Variants in ARHGAP22 observed in about 807,000 individuals in gnomAD.
ARHGAP22 encodes Rho GTPase activating protein 22.
Under a neutral mutation model 59.1 loss-of-function variants are expected in ARHGAP22, and 48 were observed. The observed-to-expected ratio is 0.81, with a 90% confidence interval of 0.64 to 1.03. The LOEUF (loss-of-function observed/expected upper bound fraction) is 1.03. Among genes scored for constraint, ARHGAP22 ranks in the 50% least tolerant of loss-of-function variants. The pLI, the probability that ARHGAP22 is intolerant of heterozygous loss-of-function variation, is 0.00. For missense variants in ARHGAP22, 1,015 were observed against 958.7 expected (o/e 1.06, Z -0.78); for synonymous variants, 445 against 416.4 (o/e 1.07, Z -0.84).
intron 3 of ARHGAP22, chr10:48,493,613 G>C (rs1298188671): frequency 8.2e-6 from 12 of 1,462,842 alleles, no homozygotes; most frequent in Non-Finnish European, 8.1e-6. Context: ...TCGGCTGCCT[G>C]TGTGCTCTGC....
intron 3 of ARHGAP22, among the ~76,000 whole-genome samples, chr10:48,513,631 C>A (rs1020821904): frequency 6.6e-6 from 1 of 152,170 alleles, no homozygotes; most frequent in Admixed American, 6.5e-5. Context: ...TCAGGAAATT[C>A]ACTAAACAAA....
chr10:48,642,993 T>A (rs1455540497), intron 1 of ARHGAP22, among the ~76,000 whole-genome samples: 1 of 152,144 alleles, frequency 6.6e-6, no homozygotes, highest in Admixed American at 6.5e-5. Flanking sequence ...AAAAAATGCT[T>A]ATCATCACTG....
At chr10:48,490,175 A>G (rs1288064145) in intron 3 of ARHGAP22, among the ~76,000 whole-genome samples, 1 of 152,186 alleles carries the variant, frequency 6.6e-6, no homozygotes, top group Non-Finnish European at 1.5e-5. Flanking sequence ...GACCCACCTC[A>G]TCAGGAGAAT....
At chr10:48,493,609 G>T (rs10735226) in intron 3 of ARHGAP22, 581,179 of 1,465,158 alleles carry the variant, frequency 0.4, 123,519 homozygotes, top group East Asian at 0.92. Flanking sequence ...CCACTCGGCT[G>T]CCTGTGTGCT....
At chr10:48,486,672 C>A (rs924655681) in intron 3 of ARHGAP22, among the ~76,000 whole-genome samples, 2 of 152,122 alleles carry the variant, frequency 1.3e-5, no homozygotes, top group African/African-American at 4.8e-5. Flanking sequence ...TATATTTACC[C>A]ATGTAGTTAC....
intron 4 of ARHGAP22, among the ~76,000 whole-genome samples, chr10:48,477,632 C>T (rs1371879158): frequency 6.6e-6 from 1 of 152,234 alleles, no homozygotes; most frequent in Non-Finnish European, 1.5e-5. Context: ...ATCCTCATCA[C>T]GACTTGAAAC....
intron 9 of ARHGAP22, among the ~76,000 whole-genome samples, chr10:48,447,484 G>A (rs568128383): frequency 6.6e-6 from 1 of 152,312 alleles, no homozygotes; most frequent in African/African-American, 2.4e-5. Flanking sequence ...CACCTGGTAC[G>A]TGGTGCATGA....
chr10:48,453,609 C>T (rs2046204535), intron 7 of ARHGAP22, among the ~76,000 whole-genome samples, 184 bp from the exon 8 acceptor site: 1 of 152,214 alleles, frequency 6.6e-6, no homozygotes, highest in Non-Finnish European at 1.5e-5. Context: ...CCAAGAGGGC[C>T]ATCAGAAGTA....
chr10:48,613,562 A>G (rs1403111152), intron 1 of ARHGAP22, among the ~76,000 whole-genome samples: 1 of 152,106 alleles, frequency 6.6e-6, no homozygotes, highest in African/African-American at 2.4e-5. Context: ...GGTATATGAC[A>G]GAAGTACATC....
At chr10:48,576,902 T>TCCCCCCCCCCCCCCCCCCCCCCC (rs1554927401) in intron 2 of ARHGAP22, among the ~76,000 whole-genome samples, 1 of 141,354 alleles carries the variant, frequency 7.1e-6, no homozygotes, top group African/African-American at 2.6e-5. Context: ...CACTCACCCA[T>TCCCCCCCCCCCCCCCCCCCCCCC]CCCTCCCCAC....
chr10:48,620,349 T>A (rs570710248), intron 1 of ARHGAP22, among the ~76,000 whole-genome samples: 1 of 152,262 alleles, frequency 6.6e-6, no homozygotes, highest in South Asian at 2.1e-4. Context: ...GCATACATTA[T>A]CTTATCCATT....
chr10:48,513,471 C>G (rs1157089749), intron 3 of ARHGAP22, among the ~76,000 whole-genome samples: 1 of 152,228 alleles, frequency 6.6e-6, no homozygotes, highest in Non-Finnish European at 1.5e-5. Flanking sequence ...CGCCAACACA[C>G]AAACATACAT....
rs557234753 is a variant in ARHGAP22, at chr10:48,549,699, T to C, written c.322+5764A>G. Among the ~76,000 whole-genome samples the C allele has an allele frequency of 3.9e-5, 6 of 152,296 alleles. No individual in the cohort carries two copies. The South Asian group carries it at 1.2e-3, about 32-fold the overall frequency. On this transcript the variant is annotated intron_variant, in intron 3 of 9. Transcript: ENST00000249601. ...GGTCCTCCTCCTCTTGGAATAATAA[T>C]TATTAGAATTAAAACATTGGTTATA...
intron 3 of ARHGAP22, among the ~76,000 whole-genome samples, chr10:48,486,497 G>A (rs562444427): frequency 3.3e-5 from 5 of 151,918 alleles, no homozygotes; most frequent in South Asian, 2.1e-4. Flanking sequence ...CGCACACCAC[G>A]CCAGGTTAAT....
intron 1 of ARHGAP22, among the ~76,000 whole-genome samples, chr10:48,623,114 C>G (rs1486567483): frequency 6.6e-6 from 1 of 152,240 alleles, no homozygotes; most frequent in Non-Finnish European, 1.5e-5. Context: ...GGACTGCCAG[C>G]CTGCGGACAT....
At chr10:48,540,354 C>T (rs571318609) in intron 3 of ARHGAP22, among the ~76,000 whole-genome samples, 135 of 152,334 alleles carry the variant, frequency 8.9e-4, no homozygotes, top group Admixed American at 1.9e-3. Context: ...GCCTCAGCCT[C>T]CCGAGTAGCT....
chr10:48,605,046 C>A lies in ARHGAP22; in HGVS notation c.-250G>T. 1 of 1,419,870 alleles carries A rather than the reference C, an allele frequency of 7.0e-7. No homozygotes were observed. Among genetic ancestry groups the A allele is most frequent in the Non-Finnish European group, 9.2e-7 (1 of 1,088,848 alleles). 88.0% of individuals were successfully genotyped at this position (1,419,870 alleles called of 1,614,324 possible). On this transcript the variant is annotated 5_prime_UTR_variant, in exon 1 of 10. Transcript: ENST00000249601. ...TTCCCATCCAAGCGGACCATTAAAG[C>A]CTCAGTAATCACTGCTGATCAATCA...
intron 3 of ARHGAP22, among the ~76,000 whole-genome samples, chr10:48,525,687 A>C (rs1443270906): frequency 6.6e-6 from 1 of 152,232 alleles, no homozygotes; most frequent in East Asian, 1.9e-4. Context: ...GATTCATGGC[A>C]CTTATGTAAG....
At chr10:48,482,057 T>C (rs933646520) in intron 3 of ARHGAP22, among the ~76,000 whole-genome samples, 38 of 152,344 alleles carry the variant, frequency 2.5e-4, no homozygotes, top group African/African-American at 8.7e-4. Context: ...TCCATGTCTC[T>C]CTCTTTTTTC....
Sources: allele counts gnomAD v4.1 joint callset (sites outside exome capture counted in the v4.1 genomes callset), GRCh38; gene constraint gnomAD v4.1.1; transcripts MANE v1.5; gene names NCBI Gene and HGNC (gene_info 2026-07-23, HGNC 2026-07-21).